The following AMPH variants were observed in gnomAD, a reference collection of about 807,000 sequenced individuals.
AMPH encodes the protein amphiphysin, also known as amphiphysin (Stiff-Mann syndrome with breast cancer 128kD autoantigen).
Under a neutral mutation model 99.1 loss-of-function variants are expected in AMPH, and 49 were observed. The ratio of observed to expected loss-of-function variants is 0.49; its 90% CI spans 0.39 to 0.63. The LOEUF (loss-of-function observed/expected upper bound fraction) is 0.63, where lower values mean the gene tolerates loss of function less well. AMPH is among the 20% of genes least tolerant of loss of function. The probability of loss-of-function intolerance (pLI) is 0.00; values close to 1 mark genes in which losing one functional copy is unlikely to be tolerated. For missense variants in AMPH, 759 were observed against 863.4 expected, an observed-to-expected ratio of 0.88 and a Z score of 1.52; for synonymous variants, 314 against 317.3, an observed-to-expected ratio of 0.99 and a Z score of 0.11.
In AMPH at chr7:38,612,084, C is replaced by CTTTTTTTTTTT. The variant is rs777855014; in HGVS notation, c.69+19198_69+19199insAAAAAAAAAAA. Among the ~76,000 whole-genome samples, 24 of 90,884 alleles carry CTTTTTTTTTTT rather than the reference C, an allele frequency of 2.6e-4. 1 individual carries two copies. Among genetic ancestry groups the CTTTTTTTTTTT allele is most frequent in the Admixed American group, 6.8e-4 (5 of 7,340 alleles). The allele number at this position is 90,884 out of a possible 152,430, so 59.6% of individuals were successfully genotyped here. ...ACTGCTAAGACTGATTTTTTGTCTT[C>CTTTTTTTTTTT]TTCTTTTTTTTTTTTTTTTTTTTTG... On this transcript the variant is annotated intron_variant, in intron 1 of 20. Transcript: ENST00000356264.
chr7:38,605,358 C>G (rs901336623), intron 1 of AMPH, among the ~76,000 whole-genome samples: 1 of 152,174 alleles, frequency 6.6e-6, no homozygotes, highest in African/African-American at 2.4e-5. Flanking sequence ...ATCTCTAGAA[C>G]ATTCTGCTGT....
intron 1 of AMPH, among the ~76,000 whole-genome samples, chr7:38,630,976 C>A (rs1341447882): frequency 1.3e-5 from 2 of 152,176 alleles, no homozygotes; most frequent in African/African-American, 2.4e-5. Flanking sequence ...ACTTCTGTTG[C>A]CTGGCTTGGG....
rs955822500 is a variant in AMPH at position 38,384,918 on chromosome 7, C to T, written c.1988G>A (p.Gly663Asp). ...TGATTCCTTCACTCCCACCAGCCAGCCTGCATCCTGAAAAACAATGACAGA... is the reference window on the plus strand; with the variant it reads ...TGATTCCTTCACTCCCACCAGCCAGTCTGCATCCTGAAAAACAATGACAGA... ...PSDSEADQDA[G>D]WLVGVKESDW... Residue 663 changes from glycine (G) to aspartate (D), a missense_variant, in exon 21 of 21, where the codon GGC (glycine) becomes GAC (aspartate). Physicochemically the swap from Gly to Asp is moderately conservative, Grantham distance 94 (BLOSUM62 -1). Around this residue, in one of 2 missense-constraint regions of AMPH, gnomAD observed 554 missense variants for 575.6 expected, o/e 0.96. Coordinates refer to ENST00000356264, the MANE Select transcript of AMPH (RefSeq NM_001635.4). 6.2e-7 allele frequency: 1 copy of T among 1,613,286 alleles called. No homozygotes were observed. Among genetic ancestry groups the T allele is most frequent in the Non-Finnish European group, 8.5e-7 (1 of 1,179,386 alleles).
chr7:38,559,005 G>T (rs1460350187), intron 1 of AMPH, among the ~76,000 whole-genome samples: 1 of 152,328 alleles, frequency 6.6e-6, no homozygotes, highest in South Asian at 2.1e-4. Flanking sequence ...TTTATATATA[G>T]ATTCTGAATC....
intron 1 of AMPH, among the ~76,000 whole-genome samples, chr7:38,537,694 CA>C (rs1276616157): frequency 3.3e-5 from 5 of 152,234 alleles, no homozygotes; most frequent in Admixed American, 1.3e-4. Flanking sequence ...CAATATGAGC[CA>C]ACAAAGTGAT....
chr7:38,426,855 A>T, intron 15 of AMPH, 99 bp downstream of exon 15: 1 of 1,097,204 alleles, frequency 9.1e-7, no homozygotes. Flanking sequence ...GATATTCTTA[A>T]TCATTACGCT....
At chr7:38,444,242 C>T (rs186884168) in intron 11 of AMPH, among the ~76,000 whole-genome samples, 68 of 152,228 alleles carry the variant, frequency 4.5e-4, no homozygotes, top group Admixed American at 2.7e-3. Context: ...TATCATTGAT[C>T]TATAGACTCG....
chr7:38,442,788 T>A lies in AMPH; in HGVS notation c.1018-6400A>T, dbSNP rs1405967482. 2.1e-5 allele frequency among the ~76,000 whole-genome samples: 3 copies of A among 146,248 alleles called. No individual in the cohort carries two copies. The East Asian group carries it at 6.0e-4, about 29-fold the overall frequency. On this transcript the variant is annotated intron_variant, in intron 11 of 20. Transcript: ENST00000356264. ...CCTCACCTTCTTTTTACCCTGAATA[T>A]AAAAAAAAAACATAAACAGAGCAAT...
intron 1 of AMPH, among the ~76,000 whole-genome samples, chr7:38,601,992 C>T (rs1470515763): frequency 6.6e-6 from 1 of 152,166 alleles, no homozygotes; most frequent in Admixed American, 6.5e-5. Flanking sequence ...AATGCAAAAC[C>T]ATTAGCAAAT....
chr7:38,418,404 A>G (rs1785465046), intron 16 of AMPH, among the ~76,000 whole-genome samples: 1 of 152,180 alleles, frequency 6.6e-6, no homozygotes. Context: ...GCCAGTGGGA[A>G]GGAGTAAGGA....
chr7:38,485,076 T>G (rs911611681), intron 5 of AMPH, among the ~76,000 whole-genome samples: 1 of 151,492 alleles, frequency 6.6e-6, no homozygotes, highest in African/African-American at 2.4e-5. Context: ...AAATGAACAA[T>G]AAGACAAACA....
rs539785582 is a variant in AMPH, at chr7:38,598,057, T to C, written c.69+33226A>G. 1.4e-4 allele frequency among the ~76,000 whole-genome samples: 21 copies of C among 152,366 alleles called. No homozygotes were observed. In the South Asian group the frequency reaches 4.4e-3, roughly 32 times the overall value. On this transcript the variant is annotated intron_variant, in intron 1 of 20. Transcript: ENST00000356264. ...CATTTTTTCTTCAAATGATGAGTTG[T>C]TGGCCCAAATAGATTTATTGAATGA...
chr7:38,462,139 C>T (rs1004691872), intron 10 of AMPH, among the ~76,000 whole-genome samples: 6 of 152,140 alleles, frequency 3.9e-5, no homozygotes, highest in Non-Finnish European at 7.3e-5. Flanking sequence ...GTAAATTACA[C>T]AAGATATTCA....
chr7:38,393,451 T>A lies in AMPH; in HGVS notation c.1608+554A>T, dbSNP rs1784572780. The stretch of plus-strand genomic sequence containing the variant: ...GCTTTGTGGCCTCTCAATGCTGCTC[T>A]GAGGCAGTGCCGAGCAGGGCCCCCT... On this transcript the variant is annotated intron_variant, in intron 18 of 20. Transcript: ENST00000356264. 2.6e-5 allele frequency among the ~76,000 whole-genome samples: 4 copies of A among 152,322 alleles called. No individual in the cohort carries two copies. The South Asian group carries it at 8.3e-4, about 32-fold the overall frequency.
At chr7:38,601,363 C>T (rs1455201937) in intron 1 of AMPH, among the ~76,000 whole-genome samples, 1 of 152,184 alleles carries the variant, frequency 6.6e-6, no homozygotes, top group African/African-American at 2.4e-5. Context: ...TTAAAAGCAA[C>T]CTCCCTTGGG....
At chr7:38,464,243 AT>A in intron 9 of AMPH, 1 of 675,484 alleles carries the variant, frequency 1.5e-6, no homozygotes, top group Non-Finnish European at 2.2e-6. Flanking sequence ...ACAACCCTAA[AT>A]TTTTTCATGC....
intron 5 of AMPH, among the ~76,000 whole-genome samples, chr7:38,489,794 C>G (rs1346465067): frequency 6.6e-6 from 1 of 151,948 alleles, no homozygotes; most frequent in Non-Finnish European, 1.5e-5. Flanking sequence ...TTGCCAAGGG[C>G]TAGAGAGAGT....
intron 2 of AMPH, among the ~76,000 whole-genome samples, chr7:38,525,236 A>G (rs910027167): frequency 6.9e-6 from 1 of 144,044 alleles, no homozygotes; most frequent in Non-Finnish European, 1.5e-5. Flanking sequence ...AGTTGTGTAT[A>G]TATGTAGTTG....
At chr7:38,590,385 C>T (rs1208086347) in intron 1 of AMPH, among the ~76,000 whole-genome samples, 1 of 152,086 alleles carries the variant, frequency 6.6e-6, no homozygotes, top group African/African-American at 2.4e-5. Context: ...TCTGTGATGG[C>T]GGCATTCAGC....
Sources: allele counts gnomAD v4.1 joint callset (sites outside exome capture counted in the v4.1 genomes callset), GRCh38; gene constraint gnomAD v4.1.1; regional missense constraint gnomAD v4.1.1; transcripts MANE v1.5; gene names NCBI Gene and HGNC (gene_info 2026-07-23, HGNC 2026-07-21).